LRP1B: variants seen among roughly 807,000 people sequenced by gnomAD.
The protein encoded by LRP1B is low-density lipoprotein receptor-related protein 1B.
LRP1B carries 217 observed loss-of-function variants against 556.6 expected under a neutral mutation model. That is an observed-to-expected ratio of 0.39 (90% CI 0.35 to 0.44). The LOEUF is 0.44. LRP1B is among the 20% of genes least tolerant of loss of function. LRP1B has a pLI of 1.00. For synonymous variants in LRP1B, 2,047 were observed against 1,865.8 expected, an observed-to-expected ratio of 1.10 and a Z score of -2.50; for missense variants, 5,053 against 5,620.8, an observed-to-expected ratio of 0.90 and a Z score of 3.23.
chr2:140,626,275 A>G (rs1683654120), intron 41 of LRP1B, among the ~76,000 whole-genome samples: 1 of 152,298 alleles, frequency 6.6e-6, no homozygotes, highest in East Asian at 1.9e-4. Context: ...ACTATTCTGT[A>G]TAGTACCACA....
chr2:141,720,308 A>C (rs1250011648), intron 2 of LRP1B, among the ~76,000 whole-genome samples: 1 of 152,152 alleles, frequency 6.6e-6, no homozygotes, highest in Non-Finnish European at 1.5e-5. Flanking sequence ...ACATGGATGT[A>C]AGTGGCAACA....
intron 2 of LRP1B, among the ~76,000 whole-genome samples, chr2:141,482,953 T>G (rs202214068): frequency 3.1e-4 from 1 of 3,258 alleles, no homozygotes; most frequent in Admixed American, 0.012. Context: ...TTTTGTTTTG[T>G]TTTTTTATTT....
chr2:140,856,754 C>G (rs150043226), intron 27 of LRP1B, among the ~76,000 whole-genome samples: 1 of 24,506 alleles, frequency 4.1e-5, no homozygotes, highest in East Asian at 1.4e-3. Flanking sequence ...CACACACACA[C>G]ACACACACAC....
intron 3 of LRP1B, among the ~76,000 whole-genome samples, chr2:141,389,596 GCAACAACAACAA>G (rs146962572): frequency 0.014 from 2,088 of 151,744 alleles, 42 homozygotes; most frequent in African/African-American, 0.047. Flanking sequence ...CGCACGAGGA[GCAACAACAACAA>G]CAACAACAAC....
Position 141,980,253 on chromosome 2 carries a change from G to A in LRP1B, c.82+150395C>T, listed in dbSNP as rs1191255042. 2.6e-5 allele frequency among the ~76,000 whole-genome samples: 4 copies of A among 152,168 alleles called. No individual in the cohort carries two copies. The East Asian group carries it at 5.8e-4, about 22-fold the overall frequency. ...CTTGGCACTAGGCAACTAGAACAAA[G>A]GTGAAAAGGAATAACATGAACAGTT... On this transcript the variant is annotated intron_variant, in intron 1 of 90. Transcript: ENST00000389484.
At chr2:141,762,538 T>C (rs947477894) in intron 2 of LRP1B, among the ~76,000 whole-genome samples, 1 of 151,968 alleles carries the variant, frequency 6.6e-6, no homozygotes, top group African/African-American at 2.4e-5. Context: ...GTTATATATA[T>C]AATATATAGA....
chr2:142,099,068 T>C (rs931318402), intron 1 of LRP1B, among the ~76,000 whole-genome samples: 37 of 151,852 alleles, frequency 2.4e-4, no homozygotes, highest in African/African-American at 8.9e-4. Flanking sequence ...CCTGAAAACA[T>C]TATTCATATA....
chr2:141,994,864 G>A (rs1342541645), intron 1 of LRP1B, among the ~76,000 whole-genome samples: 1 of 152,052 alleles, frequency 6.6e-6, no homozygotes, highest in Admixed American at 6.6e-5. Context: ...CATAAAGATT[G>A]AGATTATGCT....
chr2:141,947,142 T>C (rs181353599), intron 1 of LRP1B, among the ~76,000 whole-genome samples: 3 of 151,952 alleles, frequency 2.0e-5, no homozygotes, highest in Non-Finnish European at 4.4e-5. Flanking sequence ...TTAAAAAAGG[T>C]AAAGGAAGGC....
At chr2:141,114,469 C>T (rs533960450) in intron 7 of LRP1B, among the ~76,000 whole-genome samples, 6 of 152,178 alleles carry the variant, frequency 3.9e-5, no homozygotes, top group African/African-American at 1.2e-4. Context: ...AGTGTGAAGA[C>T]GATCTTCCCC....
intron 66 of LRP1B, among the ~76,000 whole-genome samples, chr2:140,404,134 A>G (rs1324721229): frequency 1.3e-5 from 2 of 151,836 alleles, no homozygotes; most frequent in Non-Finnish European, 2.9e-5. Context: ...CTAAATCTTG[A>G]AACAAAAGCT....
intron 2 of LRP1B, among the ~76,000 whole-genome samples, chr2:141,717,680 T>C (rs915156128): frequency 2.6e-5 from 4 of 152,200 alleles, no homozygotes; most frequent in African/African-American, 9.6e-5. Context: ...ACCCCAGTCA[T>C]GGGACATTTG....
intron 82 of LRP1B, among the ~76,000 whole-genome samples, chr2:140,316,779 A>AAGT (rs1684537554): frequency 1.3e-5 from 2 of 152,308 alleles, no homozygotes; most frequent in African/African-American, 4.8e-5. Flanking sequence ...TGTAAATATT[A>AAGT]AGTACATAAG....
intron 66 of LRP1B, among the ~76,000 whole-genome samples, chr2:140,437,572 A>G (rs1020206904): frequency 6.6e-6 from 1 of 152,220 alleles, no homozygotes; most frequent in African/African-American, 2.4e-5. Context: ...TCCAAGATAC[A>G]AAATTTAAGT....
At chr2:141,447,219 T>A (rs1681229253) in intron 3 of LRP1B, among the ~76,000 whole-genome samples, 1 of 151,870 alleles carries the variant, frequency 6.6e-6, no homozygotes, top group South Asian at 2.1e-4. Context: ...TTGATACTTG[T>A]GTATGCTTCA....
chr2:142,045,378 A>T (rs781237782), intron 1 of LRP1B, among the ~76,000 whole-genome samples: 9 of 151,812 alleles, frequency 5.9e-5, no homozygotes, highest in Admixed American at 2.6e-4. Context: ...TTTTCAAGGA[A>T]CGTTCTCATA....
chr2:140,340,271 G>C (rs13028633), intron 77 of LRP1B, among the ~76,000 whole-genome samples: 20,787 of 151,436 alleles, frequency 0.14, 1,543 homozygotes, highest in African/African-American at 0.19. Context: ...TAGTTTCTCT[G>C]TATATTATAA....
chr2:140,433,483 T>A (rs1167831466), intron 66 of LRP1B, among the ~76,000 whole-genome samples: 5 of 152,214 alleles, frequency 3.3e-5, no homozygotes, highest in African/African-American at 1.2e-4. Context: ...AGTTCTGATA[T>A]GGAATTTTCA....
intron 66 of LRP1B, among the ~76,000 whole-genome samples, chr2:140,395,595 G>A (rs143227515): frequency 2.6e-5 from 4 of 152,240 alleles, no homozygotes; most frequent in African/African-American, 9.6e-5. Flanking sequence ...AACCACTTCT[G>A]TTTTGTTTCT....
Sources: gnomAD v4.1 joint callset for allele counts (sites outside exome capture counted in the v4.1 genomes callset) on GRCh38, gnomAD v4.1.1 for gene constraint, MANE v1.5 for transcripts, NCBI Gene and HGNC (gene_info 2026-07-23, HGNC 2026-07-21) for gene names.